The following ARHGAP24 variants were observed in gnomAD, a reference collection of about 807,000 sequenced individuals.
ARHGAP24 encodes rho GTPase-activating protein 24.
Under a neutral mutation model 76.4 loss-of-function variants are expected in ARHGAP24, and 50 were observed. The observed-to-expected ratio is 0.65, with a 90% CI of 0.52 to 0.83. The LOEUF is 0.83. Ranked by LOEUF, ARHGAP24 falls within the 40% of genes least tolerant of loss-of-function variation. The pLI, the probability that ARHGAP24 is intolerant of heterozygous loss-of-function variation, is 0.00. For synonymous variants in ARHGAP24, 345 were observed against 323.3 expected (o/e 1.07, Z -0.72); for missense variants, 930 against 914.2 (o/e 1.02, Z -0.22).
chr4:85,636,917 A>G lies in ARHGAP24; in HGVS notation c.180+66196A>G, dbSNP rs548625832. 3.2e-4 allele frequency among the ~76,000 whole-genome samples: 48 copies of G among 152,172 alleles called. No homozygotes were observed. In the South Asian group the frequency reaches 8.5e-3, roughly 27 times the overall value. On this transcript the variant is annotated intron_variant, in intron 2 of 9. Transcript: ENST00000395184. ...TCTTACCCTCAGTGCTTTGCTATCT[A>G]TAGACATGACAAGCACTTAGTAGAT...
chr4:85,839,590 A>G (rs996203736), intron 3 of ARHGAP24, among the ~76,000 whole-genome samples: 29 of 151,862 alleles, frequency 1.9e-4, no homozygotes, highest in Admixed American at 1.3e-4. Flanking sequence ...AGCTGGGACT[A>G]CAGGCACGTG....
chr4:85,566,626 G>A (rs1255151605), intron 1 of ARHGAP24, among the ~76,000 whole-genome samples: 1 of 152,144 alleles, frequency 6.6e-6, no homozygotes. Flanking sequence ...GATTCAACAG[G>A]TTTATTGAGT....
intron 5 of ARHGAP24, among the ~76,000 whole-genome samples, chr4:85,962,605 C>T (rs532251262): frequency 6.6e-6 from 1 of 152,064 alleles, no homozygotes; most frequent in Admixed American, 6.6e-5. Flanking sequence ...AAATAGGTCA[C>T]CTGAATTGGC....
intron 3 of ARHGAP24, among the ~76,000 whole-genome samples, chr4:85,739,159 G>A (rs1404615210): frequency 6.6e-6 from 1 of 152,086 alleles, no homozygotes. Context: ...GGACTGCTTG[G>A]GCTCCCTCAC....
chr4:85,846,490 T>C (rs1230095149), intron 3 of ARHGAP24, among the ~76,000 whole-genome samples: 2 of 152,250 alleles, frequency 1.3e-5, no homozygotes. Context: ...ACAGCATAAA[T>C]AACCCACTAT....
intron 3 of ARHGAP24, among the ~76,000 whole-genome samples, chr4:85,741,173 C>T (rs1725810024): frequency 6.6e-6 from 1 of 152,128 alleles, no homozygotes; most frequent in Non-Finnish European, 1.5e-5. Context: ...GGAGGTTTTC[C>T]TTCCTTCGGC....
chr4:85,717,072 A>G (rs1389434575), intron 2 of ARHGAP24, among the ~76,000 whole-genome samples: 1 of 152,092 alleles, frequency 6.6e-6, no homozygotes, highest in Non-Finnish European at 1.5e-5. Flanking sequence ...GGGGGAACAA[A>G]CAGAGAATAT....
chr4:85,973,579 A>G (rs890671017), intron 6 of ARHGAP24, among the ~76,000 whole-genome samples: 3 of 152,206 alleles, frequency 2.0e-5, no homozygotes, highest in African/African-American at 4.8e-5. Context: ...TGTGTGTCAT[A>G]TCTAAGAAGA....
chr4:85,634,035 C>T (rs534113287), intron 2 of ARHGAP24, among the ~76,000 whole-genome samples: 74 of 151,886 alleles, frequency 4.9e-4, no homozygotes, highest in African/African-American at 1.7e-3. Flanking sequence ...ATGACTTGAC[C>T]TTATACTTGC....
Position 86,000,690 on chromosome 4 carries a change from A to G in ARHGAP24, c.2215A>G (p.Thr739Ala), listed in dbSNP as rs1162977552. 4.3e-6 allele frequency: 7 copies of G among 1,613,948 alleles called. No homozygotes were observed. The highest frequency in any genetic ancestry group is 5.9e-6 in the Non-Finnish European group (7 of 1,179,880). ...AGAACTGACAGTGGAACCCAGGAGA[A>G]CCGAGAGAGGAAACACAATATGGAT... is the stretch of plus-strand genomic sequence containing the variant. The part of the protein sequence containing the change: ...FGELTVEPRR[T>A]ERGNTIWIQ The change falls in exon 10 of 10, where the codon ACC (threonine) becomes GCC (alanine). Residue 739 changes from threonine (T) to alanine (A), a missense_variant. By Grantham distance (58) the Thr-to-Ala change is moderately conservative. Coordinates refer to ENST00000395184, the MANE Select transcript of ARHGAP24 (RefSeq NM_001025616.3).
chr4:85,530,971 G>T (rs146173848), intron 1 of ARHGAP24, among the ~76,000 whole-genome samples: 1 of 152,172 alleles, frequency 6.6e-6, no homozygotes, highest in Non-Finnish European at 1.5e-5. Context: ...CCCTTATGCA[G>T]TTTGATATTA....
intron 2 of ARHGAP24, among the ~76,000 whole-genome samples, chr4:85,651,979 T>C (rs559470071): frequency 1.3e-5 from 2 of 152,230 alleles, no homozygotes; most frequent in South Asian, 4.1e-4. Flanking sequence ...TCTCAGAAAA[T>C]TCATTTCTTA....
At chr4:85,942,553 G>T in intron 5 of ARHGAP24, 1 of 333,160 alleles carries the variant, frequency 3.0e-6, no homozygotes, top group South Asian at 6.1e-5. Context: ...ACTGGAAAAA[G>T]TGAATTTATA....
intron 3 of ARHGAP24, among the ~76,000 whole-genome samples, chr4:85,825,277 G>A (rs1039450529): frequency 2.6e-5 from 4 of 152,142 alleles, no homozygotes; most frequent in African/African-American, 9.7e-5. Context: ...AGCTGGGAAT[G>A]ACACTTACTT....
intron 1 of ARHGAP24, among the ~76,000 whole-genome samples, chr4:85,480,378 T>G (rs1019355493): frequency 6.6e-6 from 1 of 152,202 alleles, no homozygotes; most frequent in Non-Finnish European, 1.5e-5. Context: ...CAGTTTGACT[T>G]GTCACCCAAA....
At chr4:85,743,389 T>C (rs1434256517) in intron 3 of ARHGAP24, among the ~76,000 whole-genome samples, 2 of 80,916 alleles carry the variant, frequency 2.5e-5, no homozygotes, top group East Asian at 4.5e-4. Context: ...CGGGATCCCA[T>C]CTCAAAAAAA....
chr4:85,872,259 G>A (rs1399831471), intron 3 of ARHGAP24, among the ~76,000 whole-genome samples: 2 of 151,398 alleles, frequency 1.3e-5, no homozygotes, highest in Non-Finnish European at 2.9e-5. Context: ...CAATCAACGC[G>A]TTGATATAGA....
intron 3 of ARHGAP24, among the ~76,000 whole-genome samples, chr4:85,735,607 T>A (rs1437761643): frequency 6.6e-6 from 1 of 152,168 alleles, no homozygotes; most frequent in African/African-American, 2.4e-5. Flanking sequence ...TGTCTCTTAG[T>A]CACCATTACT....
At chr4:85,832,926 C>T (rs533999981) in intron 3 of ARHGAP24, among the ~76,000 whole-genome samples, 5 of 152,202 alleles carry the variant, frequency 3.3e-5, no homozygotes, top group South Asian at 2.1e-4. Flanking sequence ...TAGAGGTGTC[C>T]GAGGTGGGCC....
Sources: allele counts gnomAD v4.1 joint callset (sites outside exome capture counted in the v4.1 genomes callset), GRCh38; gene constraint gnomAD v4.1.1; transcripts MANE v1.5; gene names NCBI Gene and HGNC (gene_info 2026-07-23, HGNC 2026-07-21).